KCNG4: variants seen among roughly 807,000 people sequenced by gnomAD.
KCNG4 encodes the protein potassium voltage-gated channel modifier subfamily G member 4.
In KCNG4, 30 loss-of-function variants were observed where a neutral mutation model predicts 28.2. The observed-to-expected ratio is 1.06, with a 90% CI of 0.80 to 1.44. The LOEUF is 1.44. KCNG4 is among the 40% of genes most tolerant of loss of function. The pLI is 0.00. For missense variants in KCNG4, 879 were observed against 712.3 expected (o/e 1.23, Z -2.66); for synonymous variants, 375 against 315.5 (o/e 1.19, Z -2.00).
rs1905060470 is a variant in KCNG4, at chr16:84,239,983, T to C, written c.-354A>G. On this transcript the variant is annotated 5_prime_UTR_variant, in exon 1 of 3. Coordinates refer to ENST00000308251, the MANE Select transcript of KCNG4 (RefSeq NM_172347.3). ...TTATGAGAGATGAGGGTCTGGGGGT[T>C]CTTGCTGGGAGGGAGCCAGGGCAGC... Among the ~76,000 whole-genome samples the C allele has an allele frequency of 2.0e-5, 3 of 151,914 alleles. No homozygotes were observed. The highest frequency in any genetic ancestry group is 4.2e-4 in the South Asian group (2 of 4,806).
intron 2 of KCNG4, 134 bp downstream of exon 2, chr16:84,236,596 T>C: frequency 1.0e-6 from 1 of 1,004,432 alleles, no homozygotes; most frequent in Non-Finnish European, 1.4e-6. Context: ...ATAATGAATA[T>C]AACCCATGTT....
At position 84,221,995 on chromosome 16, in the gene KCNG4, G is replaced by A. The variant is rs1904573096; in HGVS notation, c.*222C>T. The A allele has an allele frequency of 8.7e-6, 5 of 577,600 alleles. No individual in the cohort carries two copies. The highest frequency in any genetic ancestry group is 1.5e-5 in the Non-Finnish European group (5 of 324,656). The allele number at this position is 577,600 out of a possible 1,614,324, so 35.8% of individuals were successfully genotyped here. A position where few individuals can be genotyped will look rare whatever the true frequency, so the allele number is the denominator to read the frequency against. ...GACATGCTCAGTAGATGGGCAGAGAGAGGAAAAGGCAAGCAGGCTGGACAC... is the reference window on the plus strand; with the variant it reads ...GACATGCTCAGTAGATGGGCAGAGAAAGGAAAAGGCAAGCAGGCTGGACAC... On this transcript the variant is annotated 3_prime_UTR_variant, in exon 3 of 3. Coordinates refer to ENST00000308251, the MANE Select transcript of KCNG4 (RefSeq NM_172347.3).
intron 2 of KCNG4, among the ~76,000 whole-genome samples, chr16:84,230,361 C>T (rs770201737): frequency 5.4e-5 from 8 of 146,924 alleles, no homozygotes; most frequent in East Asian, 2.0e-4. Flanking sequence ...GTTGATATCG[C>T]GCCACTGCAC....
At chr16:84,223,700 G>A (rs1483988794) in intron 2 of KCNG4, among the ~76,000 whole-genome samples, 1 of 152,160 alleles carries the variant, frequency 6.6e-6, no homozygotes, top group Admixed American at 6.5e-5. Flanking sequence ...ACATACATAG[G>A]AGGCGGTACC....
chr16:84,239,098 C>G (rs1905043105), intron 1 of KCNG4, among the ~76,000 whole-genome samples: 1 of 152,176 alleles, frequency 6.6e-6, no homozygotes, highest in African/African-American at 2.4e-5. Context: ...CAGATGCACT[C>G]CACTCCAATC....
chr16:84,234,300 G>C (rs569934081), intron 2 of KCNG4, among the ~76,000 whole-genome samples: 1 of 152,210 alleles, frequency 6.6e-6, no homozygotes, highest in South Asian at 2.1e-4. Flanking sequence ...AGCCTCCCAA[G>C]TAGCTGGGAT....
rs1904994638 is a variant in KCNG4 at position 84,237,315 on chromosome 16, C to CA, written c.170dup (p.Lys58GlufsTer46). ...CCACGTTGATCAGGATCTCCTTCTT[C>CA]AGGTCCACTGGGGAGGCGTCCAGGG... On this transcript the variant is annotated frameshift_variant, in exon 2 of 3. Coordinates refer to ENST00000308251, the MANE Select transcript of KCNG4 (RefSeq NM_172347.3). LOFTEE classifies it high-confidence loss of function. 6.3e-7 allele frequency: 1 copy of CA among 1,592,300 alleles called. No individual in the cohort carries two copies. Among genetic ancestry groups the CA allele is most frequent in the Non-Finnish European group, 8.6e-7 (1 of 1,168,454 alleles).
chr16:84,234,452 T>C (rs543992044), intron 2 of KCNG4, among the ~76,000 whole-genome samples: 4 of 152,322 alleles, frequency 2.6e-5, no homozygotes, highest in Admixed American at 2.0e-4. Flanking sequence ...GTGCTGAGCT[T>C]ACAGGCGTGA....
In KCNG4 at chr16:84,237,386, G is replaced by A; in HGVS notation, c.100C>T (p.Pro34Ser). 1 of 1,536,510 alleles carries A rather than the reference G, an allele frequency of 6.5e-7. No homozygotes were observed. The highest frequency in any genetic ancestry group is 1.8e-4 in the Middle Eastern group (1 of 5,676). ...CGGTAGTAAAGGCCCTTGATGGACG[G>A]CGTCTCCATGGGGCTGGACAGGAGC... ...SQLLSSPMETPSIKGLYYRRV... is the reference protein window; with the variant it reads ...SQLLSSPMETSSIKGLYYRRV... Residue 34 changes from proline to serine, a missense_variant, in exon 2 of 3, where the codon CCG becomes TCG. Physicochemically the swap from Pro to Ser is moderately conservative, Grantham distance 74. Coordinates refer to ENST00000308251, the MANE Select transcript of KCNG4 (RefSeq NM_172347.3).
In KCNG4 at chr16:84,221,321, G is replaced by C. The variant is rs554879479; in HGVS notation, c.*896C>G. ...GATGAAAAGCTAAGGCCCCTGCAGT[G>C]TGGGAGCAACCAGCAGCAGGAACGA... On this transcript the variant is annotated 3_prime_UTR_variant, in exon 3 of 3. Transcript: ENST00000308251. 1 of 152,296 alleles carries C rather than the reference G, an allele frequency of 6.6e-6. No individual in the cohort carries two copies. The allele number at this position is 152,296 out of a possible 1,614,324, so 9.4% of individuals were successfully genotyped here.
chr16:84,227,719 C>T (rs762811580), intron 2 of KCNG4, among the ~76,000 whole-genome samples: 1 of 152,146 alleles, frequency 6.6e-6, no homozygotes, highest in Non-Finnish European at 1.5e-5. Context: ...CCTATTCATA[C>T]AATGGAATAG....
rs1412319631 is a variant in KCNG4 at position 84,220,289 on chromosome 16, C to G, written c.*1928G>C. The G allele has an allele frequency of 6.6e-6, 1 of 152,036 alleles. No homozygotes were observed. Among genetic ancestry groups the G allele is most frequent in the Non-Finnish European group, 1.5e-5 (1 of 68,024 alleles). 9.4% of individuals were successfully genotyped at this position (152,036 alleles called of 1,614,324 possible). Reference sequence around the variant, plus strand: ...ACCACTATGTCACCTGGTGACATGTCAGCTTGGGAAAGATTGGGGTCTAAA... The same window carrying G: ...ACCACTATGTCACCTGGTGACATGTGAGCTTGGGAAAGATTGGGGTCTAAA... On this transcript the variant is annotated 3_prime_UTR_variant, in exon 3 of 3. Coordinates refer to ENST00000308251, the MANE Select transcript of KCNG4 (RefSeq NM_172347.3).
intron 2 of KCNG4, among the ~76,000 whole-genome samples, chr16:84,229,565 C>T (rs929011282): frequency 3.3e-5 from 5 of 152,238 alleles, no homozygotes; most frequent in Admixed American, 6.5e-5. Context: ...GCTGGTGTCC[C>T]GTCAGCAGTC....
intron 2 of KCNG4, chr16:84,236,035 C>T (rs1416307302): frequency 1.3e-5 from 2 of 152,222 alleles, no homozygotes; most frequent in African/African-American, 4.8e-5. Context: ...ACTCTGGCCT[C>T]CTGGGGCAGA....
rs1455863504 is a variant in KCNG4 at position 84,236,880 on chromosome 16, C to T, written c.606G>A (p.Leu202=). 2 of 1,613,452 alleles carry T rather than the reference C, an allele frequency of 1.2e-6. No individual in the cohort carries two copies. The highest frequency in any genetic ancestry group is 1.3e-5 in the African/African-American group (1 of 74,940). ...CCATCTCGCGCAGCCGGTTCATGCA[C>T]AGGCCCCAGCGCGAGGAGTGCGAGG... ...RPASHSSRWG[L]CMNRLREMVE... Residue 202 remains leucine, a synonymous_variant, in exon 2 of 3, where the codon CTG becomes CTA. Coordinates refer to ENST00000308251, the MANE Select transcript of KCNG4 (RefSeq NM_172347.3).
chr16:84,232,041 C>G (rs1432198131), intron 2 of KCNG4, among the ~76,000 whole-genome samples: 1 of 149,972 alleles, frequency 6.7e-6, no homozygotes, highest in East Asian at 2.0e-4. Flanking sequence ...GACTAGATCT[C>G]GAATCCTGCC....
At chr16:84,234,298 A>G (rs1904891995) in intron 2 of KCNG4, among the ~76,000 whole-genome samples, 1 of 151,822 alleles carries the variant, frequency 6.6e-6, no homozygotes, top group Non-Finnish European at 1.5e-5. Flanking sequence ...TCAGCCTCCC[A>G]AGTAGCTGGG....
Position 84,219,131 on chromosome 16 carries a change from C to T in KCNG4, c.*3086G>A, listed in dbSNP as rs757349068. 4 of 152,248 alleles carry T rather than the reference C, an allele frequency of 2.6e-5. No individual in the cohort carries two copies. Among genetic ancestry groups the T allele is most frequent in the Non-Finnish European group, 4.4e-5 (3 of 68,056 alleles). 9.4% of individuals were successfully genotyped at this position (152,248 alleles called of 1,614,324 possible). A position where few individuals can be genotyped will look rare whatever the true frequency, so the allele number is the denominator to read the frequency against. Reference sequence around the variant, plus strand: ...AAGGAGAGGAGACTGGGGATTTGCACATTCTTTTCAGTGTCATTAATTGCA... The same window carrying T: ...AAGGAGAGGAGACTGGGGATTTGCATATTCTTTTCAGTGTCATTAATTGCA... On this transcript the variant is annotated 3_prime_UTR_variant, in exon 3 of 3. Coordinates refer to ENST00000308251, the MANE Select transcript of KCNG4 (RefSeq NM_172347.3).
At chr16:84,224,645 A>C (rs369911861) in intron 2 of KCNG4, among the ~76,000 whole-genome samples, 1 of 152,188 alleles carries the variant, frequency 6.6e-6, no homozygotes, top group Non-Finnish European at 1.5e-5. Flanking sequence ...GAACCACGAC[A>C]GTCTCTATTT....
Sources: gnomAD v4.1 joint callset for allele counts (sites outside exome capture counted in the v4.1 genomes callset) on GRCh38, gnomAD v4.1.1 for gene constraint, MANE v1.5 for transcripts, NCBI Gene and HGNC (gene_info 2026-07-23, HGNC 2026-07-21) for gene names.